INPP5A: variants seen among roughly 807,000 people sequenced by gnomAD.
INPP5A encodes inositol polyphosphate-5-phosphatase A.
Under a neutral mutation model 65.2 loss-of-function variants are expected in INPP5A, and 14 were observed. That is an observed-to-expected ratio of 0.21 (90% CI 0.14 to 0.34). The LOEUF (loss-of-function observed/expected upper bound fraction) is 0.34, where lower values mean the gene tolerates loss of function less well. Ranked by LOEUF, INPP5A falls within the 10% of genes least tolerant of loss-of-function variation. The pLI, the probability that INPP5A is intolerant of heterozygous loss-of-function variation, is 1.00. For missense variants in INPP5A, 431 were observed against 545.6 expected (o/e 0.79, Z 2.09); for synonymous variants, 207 against 208.3 (o/e 0.99, Z 0.05).
In INPP5A at chr10:132,663,965, A is replaced by G. The variant is rs1156319491; in HGVS notation, c.306+13460A>G. Among the ~76,000 whole-genome samples the G allele has an allele frequency of 6.6e-6, 1 of 152,246 alleles. No homozygotes were observed. The highest frequency in any genetic ancestry group is 1.5e-5 in the Non-Finnish European group (1 of 68,040). On this transcript the variant is annotated intron_variant, in intron 4 of 15. Transcript: ENST00000368594. This position sits in a 1 kb window ranked among gnomAD's most constrained non-coding sequence, Gnocchi z 4.5. ...CAGGCGTGATCGAGTGCCGTGTCACACGCAGCCCAGGAAACAAACACGCCG... is the reference window on the plus strand; with the variant it reads ...CAGGCGTGATCGAGTGCCGTGTCACGCGCAGCCCAGGAAACAAACACGCCG...
At chr10:132,761,667 C>T (rs568852622) in intron 11 of INPP5A, among the ~76,000 whole-genome samples, 46 of 152,236 alleles carry the variant, frequency 3.0e-4, no homozygotes, top group Non-Finnish European at 6.5e-4. Context: ...TGTGGGAGGC[C>T]AGTGCGGTGC....
intron 13 of INPP5A, among the ~76,000 whole-genome samples, chr10:132,778,272 A>G (rs1382648392): frequency 1.1e-5 from 1 of 87,832 alleles, no homozygotes; most frequent in Non-Finnish European, 2.4e-5. Context: ...AAATTTTCAG[A>G]TTTCCTGTGA....
rs1433818608 is a variant in INPP5A, at chr10:132,675,560, A to G, written c.307-14832A>G. On this transcript the variant is annotated intron_variant, in intron 4 of 15. Transcript: ENST00000368594. The surrounding 1 kb of genome is among the most constrained non-coding windows in gnomAD (Gnocchi z 4.2). The stretch of plus-strand genomic sequence containing the variant: ...CATGGGGGTGGGTGCGTGTGGAGTG[A>G]GCGTTCCAGGGGCCTTGCCGTGCCC... Among the ~76,000 whole-genome samples, 1 of 152,160 alleles carries G rather than the reference A, an allele frequency of 6.6e-6. No individual in the cohort carries two copies. The highest frequency in any genetic ancestry group is 1.5e-5 in the Non-Finnish European group (1 of 68,034).
chr10:132,746,636 A>G (rs182200839), intron 9 of INPP5A, among the ~76,000 whole-genome samples: 1 of 152,238 alleles, frequency 6.6e-6, no homozygotes, highest in African/African-American at 2.4e-5. Flanking sequence ...TGACCCTGGC[A>G]CACAGCGTTC....
chr10:132,564,334 C>T (rs1057028149), intron 1 of INPP5A, among the ~76,000 whole-genome samples: 7 of 152,086 alleles, frequency 4.6e-5, no homozygotes, highest in Non-Finnish European at 1.0e-4. Flanking sequence ...CCCTCCACCC[C>T]GATTCAGGGA....
At chr10:132,748,963 G>A in intron 9 of INPP5A, among the ~76,000 whole-genome samples, 1 of 152,236 alleles carries the variant, frequency 6.6e-6, no homozygotes, top group Admixed American at 6.5e-5. Context: ...ACCCCAGCCT[G>A]CGCCCCAGGG....
chr10:132,751,170 C>T (rs1163441181), intron 11 of INPP5A, among the ~76,000 whole-genome samples: 1 of 152,210 alleles, frequency 6.6e-6, no homozygotes, highest in African/African-American at 2.4e-5. Context: ...GTCACTTCTG[C>T]CTCCTGCCCC....
intron 9 of INPP5A, among the ~76,000 whole-genome samples, chr10:132,746,544 G>A (rs1214424399): frequency 3.3e-5 from 5 of 152,140 alleles, no homozygotes; most frequent in African/African-American, 7.2e-5. Context: ...GCCTGTGGAC[G>A]CCCTGTCCAG....
chr10:132,543,505 C>G (rs116896093), intron 1 of INPP5A, among the ~76,000 whole-genome samples: 4,701 of 152,292 alleles, frequency 0.031, 91 homozygotes, highest in Non-Finnish European at 0.05. Context: ...TAGCCTTGAC[C>G]TCCTGGCTTC....
chr10:132,748,650 G>A (rs1331987368), intron 9 of INPP5A, among the ~76,000 whole-genome samples: 1 of 152,224 alleles, frequency 6.6e-6, no homozygotes, highest in Non-Finnish European at 1.5e-5. Flanking sequence ...AATCCTTCGC[G>A]GTGATCTGTG....
intron 3 of INPP5A, among the ~76,000 whole-genome samples, chr10:132,646,311 A>G (rs1054838350): frequency 1.3e-5 from 2 of 152,250 alleles, no homozygotes; most frequent in African/African-American, 4.8e-5. Context: ...TTCACATCCC[A>G]CTGCGCAGTC....
At position 132,551,935 on chromosome 10, in the gene INPP5A, CAG is replaced by C. The variant is rs1464773103; in HGVS notation, c.75+13765_75+13766del. Among the ~76,000 whole-genome samples, 2 of 152,278 alleles carry C rather than the reference CAG, an allele frequency of 1.3e-5. No individual in the cohort carries two copies. Among genetic ancestry groups the C allele is most frequent in the Non-Finnish European group, 2.9e-5 (2 of 68,054 alleles). Reference sequence around the variant, plus strand: ...GCCCAACCTGGCAGTACCCCCCACACAGGGGTCCAGGTGTCCTCTGATTCTGC... The same window carrying C: ...GCCCAACCTGGCAGTACCCCCCACACGGGTCCAGGTGTCCTCTGATTCTGC... On this transcript the variant is annotated intron_variant, in intron 1 of 15. Transcript: ENST00000368594. This position sits in a 1 kb window ranked among gnomAD's most constrained non-coding sequence, Gnocchi z 5.3.
intron 8 of INPP5A, among the ~76,000 whole-genome samples, chr10:132,715,768 G>A (rs963246703): frequency 2.6e-5 from 4 of 152,234 alleles, no homozygotes; most frequent in South Asian, 2.1e-4. Context: ...TCACACTCCC[G>A]CTGGCCTCGG....
chr10:132,655,852 C>T (rs2072649620), intron 4 of INPP5A, among the ~76,000 whole-genome samples: 1 of 152,266 alleles, frequency 6.6e-6, no homozygotes, highest in South Asian at 2.1e-4. Context: ...TCGCTTGTCA[C>T]CCGCCCCTCC....
rs558066944 is a variant in INPP5A at position 132,597,942 on chromosome 10, C to T, written c.76-9973C>T. ...TGGTGCGTCCTGCGGGGCTGTGCTA[C>T]GCGTAGTGACCCTGGGCCTGTGGTG... On this transcript the variant is annotated intron_variant, in intron 1 of 15. Coordinates refer to ENST00000368594, the MANE Select transcript of INPP5A (RefSeq NM_005539.5). 2.1e-4 allele frequency among the ~76,000 whole-genome samples: 31 copies of T among 151,184 alleles called. No individual in the cohort carries two copies. In the South Asian group the frequency reaches 6.0e-3, roughly 30 times the overall value.
chr10:132,635,317 C>G (rs1257016913), intron 2 of INPP5A, among the ~76,000 whole-genome samples: 1 of 117,908 alleles, frequency 8.5e-6, no homozygotes, highest in African/African-American at 3.3e-5. Flanking sequence ...TTCCTGCTGT[C>G]TTTTGAATTA....
intron 8 of INPP5A, 113 bp from the exon 9 acceptor site, chr10:132,726,708 C>T (rs1219348973): frequency 2.7e-6 from 2 of 729,434 alleles, no homozygotes; most frequent in Non-Finnish European, 4.6e-6. Flanking sequence ...TCCCCTGCAG[C>T]AGGTGACAGA....
intron 1 of INPP5A, among the ~76,000 whole-genome samples, chr10:132,602,424 G>A (rs2071787850): frequency 6.6e-6 from 1 of 152,046 alleles, no homozygotes; most frequent in Non-Finnish European, 1.5e-5. Flanking sequence ...CTCCCGAGTA[G>A]CTGGGACCAC....
intron 1 of INPP5A, among the ~76,000 whole-genome samples, chr10:132,597,968 C>T (rs2071728829): frequency 1.3e-5 from 2 of 152,146 alleles, no homozygotes; most frequent in Non-Finnish European, 2.9e-5. Context: ...GCCTGTGGTG[C>T]GTGTTCCCGG....
Sources: allele counts gnomAD v4.1 joint callset (sites outside exome capture counted in the v4.1 genomes callset), GRCh38; gene constraint gnomAD v4.1.1; non-coding constraint Gnocchi (gnomAD v3.1); transcripts MANE v1.5; gene names NCBI Gene and HGNC (gene_info 2026-07-23, HGNC 2026-07-21).